PPFIA1: variants seen among roughly 807,000 people sequenced by gnomAD.
PPFIA1 encodes PPFI scaffold protein A1.
Under a neutral mutation model 149.9 loss-of-function variants are expected in PPFIA1, and 25 were observed. The ratio of observed to expected loss-of-function variants is 0.17; its 90% CI spans 0.12 to 0.23. The LOEUF is 0.23. Among genes scored for constraint, PPFIA1 ranks in the 10% least tolerant of loss-of-function variants. The probability of loss-of-function intolerance (pLI) is 1.00; values close to 1 mark genes in which losing one functional copy is unlikely to be tolerated. For synonymous variants in PPFIA1, 549 were observed against 552.8 expected, an observed-to-expected ratio of 0.99 and a Z score of 0.10; for missense variants, 1,362 against 1,506.5, an observed-to-expected ratio of 0.90 and a Z score of 1.59.
intron 2 of PPFIA1, among the ~76,000 whole-genome samples, chr11:70,300,163 C>T (rs951170547): frequency 6.6e-6 from 1 of 152,030 alleles, no homozygotes; most frequent in African/African-American, 2.4e-5. Context: ...CTGCCCCTTC[C>T]CATAGGCCTG....
chr11:70,354,108 C>A, intron 16 of PPFIA1, 193 bp from the exon 17 acceptor site: 1 of 563,564 alleles, frequency 1.8e-6, no homozygotes, highest in Non-Finnish European at 3.1e-6. Context: ...CGTGGGGAGG[C>A]AGACCAGGAG....
chr11:70,339,275 G>T lies in PPFIA1; in HGVS notation c.1676G>T (p.Arg559Leu). The change falls in exon 14 of 28, where the codon CGG (arginine) becomes CTG (leucine). Residue 559 changes from arginine (R) to leucine (L), a missense_variant. Arg to Leu is a moderately radical substitution (Grantham distance 102). This residue lies in a region of PPFIA1 where 733 missense variants were observed against 744.1 expected (regional missense o/e 0.99). Coordinates refer to ENST00000253925, the MANE Select transcript of PPFIA1 (RefSeq NM_003626.5). ...SAVLRRPQKG[R>L]LAALRDEPSK... is the part of the protein sequence containing the mutation. Reference sequence around the variant, plus strand: ...GTGCTGCGGCGCCCACAGAAAGGCCGGCTGGCAGCCCTGCGAGATGAGCCT... The same window carrying T: ...GTGCTGCGGCGCCCACAGAAAGGCCTGCTGGCAGCCCTGCGAGATGAGCCT... The T allele has an allele frequency of 6.2e-7, 1 of 1,614,038 alleles. No individual in the cohort carries two copies. Among genetic ancestry groups the T allele is most frequent in the Non-Finnish European group, 8.5e-7 (1 of 1,179,896 alleles).
intron 2 of PPFIA1, among the ~76,000 whole-genome samples, chr11:70,285,283 G>A (rs964916732): frequency 2.6e-5 from 4 of 152,094 alleles, no homozygotes; most frequent in African/African-American, 7.2e-5. Context: ...ATCATGCTAT[G>A]TGGATAATGA....
chr11:70,309,430 A>C (rs550062585), intron 2 of PPFIA1, among the ~76,000 whole-genome samples: 7 of 152,218 alleles, frequency 4.6e-5, no homozygotes, highest in African/African-American at 1.7e-4. Flanking sequence ...TGGCCTCCCA[A>C]AGTGCTGGGT....
At chr11:70,282,833 C>CTTTTT (rs59308854) in intron 2 of PPFIA1, among the ~76,000 whole-genome samples, 4 of 71,874 alleles carry the variant, frequency 5.6e-5, no homozygotes, top group Non-Finnish European at 1.0e-4. Flanking sequence ...CCGTGCCTGG[C>CTTTTT]TTTTTTTTTT....
chr11:70,294,836 C>T (rs975971245), intron 2 of PPFIA1, among the ~76,000 whole-genome samples: 1 of 151,446 alleles, frequency 6.6e-6, no homozygotes, highest in Non-Finnish European at 1.5e-5. Flanking sequence ...CCTGAGTGGA[C>T]ACAGCACATG....
At chr11:70,287,168 T>G (rs1449686077) in intron 2 of PPFIA1, among the ~76,000 whole-genome samples, 4 of 152,040 alleles carry the variant, frequency 2.6e-5, no homozygotes, top group Non-Finnish European at 5.9e-5. Flanking sequence ...CTTTCTAAAA[T>G]GCATGTACAG....
intron 2 of PPFIA1, among the ~76,000 whole-genome samples, chr11:70,321,854 C>T (rs1051584053): frequency 2.0e-5 from 3 of 152,220 alleles, no homozygotes; most frequent in African/African-American, 4.8e-5. Flanking sequence ...AGTTATGTGC[C>T]ATATTATGGC....
At chr11:70,357,327 A>T (rs2056407042) in intron 19 of PPFIA1, among the ~76,000 whole-genome samples, 1 of 151,834 alleles carries the variant, frequency 6.6e-6, no homozygotes, top group Admixed American at 6.6e-5. Context: ...GCCTATGGGG[A>T]CCCTCTCCCC....
At chr11:70,331,001 A>C (rs1290153328) in intron 8 of PPFIA1, among the ~76,000 whole-genome samples, 1 of 152,128 alleles carries the variant, frequency 6.6e-6, no homozygotes, top group African/African-American at 2.4e-5. Context: ...TGGGAGGCCG[A>C]GGCAGGTGGA....
At chr11:70,352,154 T>C (rs765041138) in intron 16 of PPFIA1, among the ~76,000 whole-genome samples, 1 of 152,214 alleles carries the variant, frequency 6.6e-6, no homozygotes, top group Non-Finnish European at 1.5e-5. Flanking sequence ...GTCTGTGAGC[T>C]GCTCTGTTGA....
In PPFIA1 at chr11:70,335,771, G is replaced by T. The variant is rs148844309; in HGVS notation, c.1428+77G>T. The T allele has an allele frequency of 3.3e-6, 5 of 1,515,660 alleles. No homozygotes were observed. In the African/African-American group the frequency reaches 5.5e-5, roughly 17 times the overall value. The allele number at this position is 1,515,660 out of a possible 1,614,324, so 93.9% of individuals were successfully genotyped here. A position where few individuals can be genotyped will look rare whatever the true frequency, so the allele number is the denominator to read the frequency against. The stretch of plus-strand genomic sequence containing the variant: ...ATTGCTCATCTGCCCCTGAGCAGGC[G>T]TGTGTAACAGTGGTTAGCAGCTGTT... On this transcript the variant is annotated intron_variant, in intron 11 of 27. Transcript: ENST00000253925.
rs1321885777 is a variant in PPFIA1, at chr11:70,372,536, T to C, written c.3101T>C (p.Leu1034Pro). 2 of 1,613,690 alleles carry C rather than the reference T, an allele frequency of 1.2e-6. No individual in the cohort carries two copies. Residue 1034 changes from leucine to proline, a missense_variant, in exon 23 of 28, where the codon CTG (leucine) becomes CCG (proline). Leu to Pro is a moderately conservative substitution (Grantham distance 98, BLOSUM62 -3). Around this residue, in one of 7 missense-constraint regions of PPFIA1, gnomAD observed 349 missense variants for 373.3 expected, o/e 0.93. Transcript: ENST00000253925. ...LRRLNYDRKE[L>P]ERKREESQSE... Reference sequence around the variant, plus strand: ...AGGTTAAATTATGACCGGAAAGAACTGGAAAGAAAAAGAGAAGAAAGTCAG... The same window carrying C: ...AGGTTAAATTATGACCGGAAAGAACCGGAAAGAAAAAGAGAAGAAAGTCAG...
intron 12 of PPFIA1, among the ~76,000 whole-genome samples, 181 bp from the exon 13 acceptor site, chr11:70,338,193 C>A (rs2055096249): frequency 6.6e-6 from 1 of 152,194 alleles, no homozygotes; most frequent in Admixed American, 6.5e-5. Context: ...ATATAGTAGT[C>A]TGAGTGTTTA....
At chr11:70,355,271 A>T (rs1321806920) in intron 17 of PPFIA1, among the ~76,000 whole-genome samples, 1 of 152,088 alleles carries the variant, frequency 6.6e-6, no homozygotes, top group East Asian at 1.9e-4. Flanking sequence ...CATGTATATT[A>T]ATTTTTGCAG....
Position 70,348,340 on chromosome 11 carries a change from C to G in PPFIA1, c.2083C>G (p.Pro695Ala), listed in dbSNP as rs1157943563. The G allele has an allele frequency of 5.0e-6, 8 of 1,614,176 alleles. No homozygotes were observed. Among genetic ancestry groups the G allele is most frequent in the South Asian group, 1.1e-5 (1 of 91,082 alleles). ...PASSLASSSP[P>A]GSGRSTPRRI... ...TTCCTCGCTTGCTAGCTCCTCCCCT[C>G]CGGGCAGTGGGCGCTCCACCCCACG... The change falls in exon 16 of 28, where the codon CCG becomes GCG. Residue 695 changes from proline to alanine, a missense_variant. Pro to Ala is a conservative substitution (Grantham distance 27). Around this residue, in one of 7 missense-constraint regions of PPFIA1, gnomAD observed 733 missense variants for 744.1 expected, o/e 0.99. Coordinates refer to ENST00000253925, the MANE Select transcript of PPFIA1 (RefSeq NM_003626.5).
intron 21 of PPFIA1, among the ~76,000 whole-genome samples, chr11:70,366,437 A>G (rs1310520047): frequency 6.6e-6 from 1 of 152,182 alleles, no homozygotes; most frequent in Non-Finnish European, 1.5e-5. Context: ...CCACTTAAAG[A>G]TTTTCTTACT....
At chr11:70,282,606 G>A (rs1426986295) in intron 2 of PPFIA1, among the ~76,000 whole-genome samples, 3 of 128,966 alleles carry the variant, frequency 2.3e-5, no homozygotes, top group Non-Finnish European at 3.1e-5. Flanking sequence ...TCGGCTCACT[G>A]CAAGCTCCAC....
intron 2 of PPFIA1, among the ~76,000 whole-genome samples, chr11:70,305,943 TG>T (rs1451308412): frequency 1.3e-5 from 2 of 152,202 alleles, no homozygotes; most frequent in East Asian, 3.8e-4. Context: ...CTTATTGCCA[TG>T]GGGAGGTTTA....
Sources: allele counts gnomAD v4.1 joint callset (sites outside exome capture counted in the v4.1 genomes callset), GRCh38; gene constraint gnomAD v4.1.1; regional missense constraint gnomAD v4.1.1; transcripts MANE v1.5; gene names NCBI Gene and HGNC (gene_info 2026-07-23, HGNC 2026-07-21).